ARPC5: variants seen among roughly 807,000 people sequenced by gnomAD.
ARPC5 encodes actin-related protein 2/3 complex subunit 5.
Under a neutral mutation model 15.4 loss-of-function variants are expected in ARPC5, and 5 were observed. The ratio of observed to expected loss-of-function variants is 0.32; its 90% CI spans 0.17 to 0.68. The LOEUF (loss-of-function observed/expected upper bound fraction) is 0.68. Ranked by LOEUF, ARPC5 falls within the 30% of genes least tolerant of loss-of-function variation. The pLI is 0.71. For synonymous variants in ARPC5, 85 were observed against 72.2 expected (o/e 1.18, Z -0.90); for missense variants, 138 against 192.8 (o/e 0.72, Z 1.68).
intron 3 of ARPC5, among the ~76,000 whole-genome samples, chr1:183,629,285 T>G (rs948689370): frequency 6.6e-6 from 1 of 152,228 alleles, no homozygotes; most frequent in East Asian, 1.9e-4. Flanking sequence ...ACTACGCTGC[T>G]TGGGTTTTAA....
chr1:183,635,775 T>G lies in ARPC5; in HGVS notation c.-116A>C. 7.2e-7 allele frequency: 1 copy of G among 1,384,110 alleles called. No homozygotes were observed. The highest frequency in any genetic ancestry group is 9.7e-7 in the Non-Finnish European group (1 of 1,030,430). The allele number at this position is 1,384,110 out of a possible 1,614,324, so 85.7% of individuals were successfully genotyped here. On this transcript the variant is annotated 5_prime_UTR_variant, in exon 1 of 4. Transcript: ENST00000359856. ...CACTTCCCTCTTCCGCTCTGAGGCG[T>G]CGCCGACTGCCGCGGCTCGGACCGT...
intron 3 of ARPC5, 60 bp downstream of exon 3, chr1:183,630,401 G>A: frequency 1.5e-6 from 2 of 1,340,438 alleles, no homozygotes; most frequent in Non-Finnish European, 2.0e-6. Flanking sequence ...GAGAGAGGTT[G>A]TCATTGTCAT....
intron 3 of ARPC5, among the ~76,000 whole-genome samples, chr1:183,627,881 T>G (rs1172817616): frequency 6.6e-6 from 1 of 152,144 alleles, no homozygotes; most frequent in Non-Finnish European, 1.5e-5. Context: ...TTTTAAAAAA[T>G]CTGCAGCATA....
Position 183,626,060 on chromosome 1 carries a change from A to ATCTTATATCTATATAG in ARPC5, c.*1456_*1471dup, listed in dbSNP as rs1244800589. ...ATCATTCATGACTCTCTTCTCTATC[A>ATCTTATATCTATATAG]TCTTATATCTATATAGTCTTATAAA... On this transcript the variant is annotated 3_prime_UTR_variant, in exon 4 of 4. Coordinates refer to ENST00000359856, the MANE Select transcript of ARPC5 (RefSeq NM_005717.4). The ATCTTATATCTATATAG allele has an allele frequency of 2.6e-5, 4 of 152,216 alleles. No individual in the cohort carries two copies. Among genetic ancestry groups the ATCTTATATCTATATAG allele is most frequent in the African/African-American group, 9.6e-5 (4 of 41,456 alleles). 9.4% of individuals were successfully genotyped at this position (152,216 alleles called of 1,614,324 possible).
rs893577725 is a variant in ARPC5, at chr1:183,623,076, G to C, written c.*4456C>G. 5 of 207,592 alleles carry C rather than the reference G, an allele frequency of 2.4e-5. No homozygotes were observed. The highest frequency in any genetic ancestry group is 4.9e-5 in the Non-Finnish European group (5 of 101,604). The allele number at this position is 207,592 out of a possible 1,614,324, so 12.9% of individuals were successfully genotyped here. ...GTAAGAGCCAGCTACTATGACTTCA[G>C]GGGGCCCATACAGTCTAGCAGCAAG... is the stretch of plus-strand genomic sequence containing the variant. On this transcript the variant is annotated 3_prime_UTR_variant, in exon 4 of 4. Transcript: ENST00000359856.
intron 2 of ARPC5, 172 bp downstream of exon 2, chr1:183,632,910 C>T: frequency 1.9e-6 from 1 of 520,338 alleles, no homozygotes; most frequent in Non-Finnish European, 3.4e-6. Context: ...ATCATAACTA[C>T]ATTATAGGGC....
At chr1:183,629,310 C>T (rs1212592895) in intron 3 of ARPC5, among the ~76,000 whole-genome samples, 1 of 152,176 alleles carries the variant, frequency 6.6e-6, no homozygotes, top group Non-Finnish European at 1.5e-5. Context: ...AGCTTTTCAT[C>T]TGTAAATTGA....
rs1395547129 is a variant in ARPC5 at position 183,621,015 on chromosome 1, T to C, written c.*6517A>G. 1.3e-5 allele frequency: 2 copies of C among 151,662 alleles called. No individual in the cohort carries two copies. Among genetic ancestry groups the C allele is most frequent in the Non-Finnish European group, 2.9e-5 (2 of 67,928 alleles). 9.4% of individuals were successfully genotyped at this position (151,662 alleles called of 1,614,324 possible). A position where few individuals can be genotyped will look rare whatever the true frequency, so the allele number is the denominator to read the frequency against. On this transcript the variant is annotated 3_prime_UTR_variant, in exon 4 of 4. Coordinates refer to ENST00000359856, the MANE Select transcript of ARPC5 (RefSeq NM_005717.4). ...AAATACAAAAATATAGAAAAGAAAA[T>C]ACAACTGGCTATTAGGCATGTGAAA...
At position 183,624,635 on chromosome 1, in the gene ARPC5, T is replaced by C. The variant is rs193148791; in HGVS notation, c.*2897A>G. The C allele has an allele frequency of 3.3e-5, 5 of 152,250 alleles. No individual in the cohort carries two copies. Among genetic ancestry groups the C allele is most frequent in the Admixed American group, 2.0e-4 (3 of 15,286 alleles). The allele number at this position is 152,250 out of a possible 1,614,324, so 9.4% of individuals were successfully genotyped here. ...ACTCTGTTCATTTCACTTGGACCGT[T>C]TGTCCTTTCTGCCCCTCCAAAGGAT... On this transcript the variant is annotated 3_prime_UTR_variant, in exon 4 of 4. Coordinates refer to ENST00000359856, the MANE Select transcript of ARPC5 (RefSeq NM_005717.4).
At chr1:183,630,364 A>G (rs1572197764) in intron 3 of ARPC5, 97 bp downstream of exon 3, 7 of 1,010,412 alleles carry the variant, frequency 6.9e-6, no homozygotes, top group Non-Finnish European at 9.8e-6. Flanking sequence ...ACAAAAATGT[A>G]CAACAAATCA....
At chr1:183,635,426 G>A (rs766969338) in intron 1 of ARPC5, 91 bp downstream of exon 1, 6 of 1,431,550 alleles carry the variant, frequency 4.2e-6, no homozygotes, top group South Asian at 1.4e-5. Flanking sequence ...GCTCCGCGCC[G>A]GTGCCCCGCG....
chr1:183,625,636 T>C lies in ARPC5; in HGVS notation c.*1896A>G, dbSNP rs561417838. On this transcript the variant is annotated 3_prime_UTR_variant, in exon 4 of 4. Transcript: ENST00000359856. ...GCAGGACTGCTTGAAGCCAGGAGTT[T>C]GAGGCCTCAGTGCACTATGATCACA... 6.6e-6 allele frequency: 1 copy of C among 152,226 alleles called. No individual in the cohort carries two copies. Among genetic ancestry groups the C allele is most frequent in the Non-Finnish European group, 1.5e-5 (1 of 68,070 alleles). 9.4% of individuals were successfully genotyped at this position (152,226 alleles called of 1,614,324 possible).
At chr1:183,633,968 T>G (rs891469961) in intron 1 of ARPC5, 1 of 152,194 alleles carries the variant, frequency 6.6e-6, no homozygotes, top group East Asian at 1.9e-4. Context: ...CCTGGCTGTA[T>G]GTAACGGTAA....
intron 3 of ARPC5, among the ~76,000 whole-genome samples, chr1:183,629,776 C>A (rs970272519): frequency 6.6e-6 from 1 of 152,052 alleles, no homozygotes; most frequent in East Asian, 1.9e-4. Flanking sequence ...GTGTAAAATC[C>A]ATTGGCATTA....
intron 2 of ARPC5, chr1:183,632,880 G>GT: frequency 7.1e-6 from 3 of 423,524 alleles, no homozygotes; most frequent in Middle Eastern, 1.2e-3. Flanking sequence ...TGAACTTACT[G>GT]TATCTTACCA....
chr1:183,629,611 T>C (rs755606162), intron 3 of ARPC5, among the ~76,000 whole-genome samples: 17 of 152,242 alleles, frequency 1.1e-4, no homozygotes, highest in Non-Finnish European at 2.2e-4. Flanking sequence ...TTATACTCTT[T>C]TGACAGATGA....
In ARPC5 at chr1:183,627,440, T is replaced by C; in HGVS notation, c.*92A>G. The C allele has an allele frequency of 1.9e-6, 2 of 1,035,594 alleles. No individual in the cohort carries two copies. Among genetic ancestry groups the C allele is most frequent in the South Asian group, 1.3e-5 (1 of 77,028 alleles). 64.2% of individuals were successfully genotyped at this position (1,035,594 alleles called of 1,614,324 possible). ...AGAAGGCAAAGCTGAGAGAAACAGA[T>C]GCTACCCACAGGGCAGCGGTGGCAT... On this transcript the variant is annotated 3_prime_UTR_variant, in exon 4 of 4. Coordinates refer to ENST00000359856, the MANE Select transcript of ARPC5 (RefSeq NM_005717.4).
rs147183181 is a variant in ARPC5, at chr1:183,634,408, A to G, written c.143+1109T>C. ...TAAAAAAGGATATTGTTGCCATTAA[A>G]TATTTTCACTCTCATATTTCCCCAC... On this transcript the variant is annotated intron_variant, in intron 1 of 3. Coordinates refer to ENST00000359856, the MANE Select transcript of ARPC5 (RefSeq NM_005717.4). 1.0e-3 allele frequency among the ~76,000 whole-genome samples: 152 copies of G among 152,346 alleles called. 1 individual carries two copies. Among genetic ancestry groups the G allele is most frequent in the Non-Finnish European group, 3.5e-4 (24 of 68,030 alleles).
At position 183,624,328 on chromosome 1, in the gene ARPC5, A is replaced by G. The variant is rs1389152154; in HGVS notation, c.*3204T>C. On this transcript the variant is annotated 3_prime_UTR_variant, in exon 4 of 4. Transcript: ENST00000359856. The stretch of plus-strand genomic sequence containing the variant: ...CGAGACCATCCTGGCTAACACGGTG[A>G]ATGAAACCCCGTCTCTACTAAAAAT... 6.6e-6 allele frequency: 1 copy of G among 152,024 alleles called. No homozygotes were observed. The highest frequency in any genetic ancestry group is 1.5e-5 in the Non-Finnish European group (1 of 68,060). The allele number at this position is 152,024 out of a possible 1,614,324, so 9.4% of individuals were successfully genotyped here.
Sources: allele counts gnomAD v4.1 joint callset (sites outside exome capture counted in the v4.1 genomes callset), GRCh38; gene constraint gnomAD v4.1.1; transcripts MANE v1.5; gene names NCBI Gene and HGNC (gene_info 2026-07-23, HGNC 2026-07-21).